Variants in PRLR observed in about 807,000 individuals in gnomAD.
The protein encoded by PRLR is prolactin receptor, also known as hPRL receptor.
A neutral mutation model predicts 40.2 loss-of-function variants in PRLR; 13 were observed. The ratio of observed to expected loss-of-function variants is 0.32; its 90% CI spans 0.21 to 0.51. PRLR has a LOEUF of 0.51. Ranked by LOEUF, PRLR falls within the 20% of genes least tolerant of loss-of-function variation. PRLR has a pLI of 0.97. For synonymous variants in PRLR, 269 were observed against 278.7 expected (o/e 0.97, Z 0.35); for missense variants, 656 against 747.3 (o/e 0.88, Z 1.42).
Position 35,065,010 on chromosome 5 carries a change from T to C in PRLR, c.*79A>G. Reference sequence around the variant, plus strand: ...CTTTAGTAGTGTCAGTCTGACTACATTCTTGAGCATTTCACGTACTCTGTA... The same window carrying C: ...CTTTAGTAGTGTCAGTCTGACTACACTCTTGAGCATTTCACGTACTCTGTA... On this transcript the variant is annotated 3_prime_UTR_variant, in exon 10 of 10. Coordinates refer to ENST00000618457, the MANE Select transcript of PRLR (RefSeq NM_000949.7). The C allele has an allele frequency of 6.8e-7, 1 of 1,473,594 alleles. No individual in the cohort carries two copies. 91.3% of individuals were successfully genotyped at this position (1,473,594 alleles called of 1,614,324 possible).
chr5:35,213,515 T>C (rs903255992), intron 1 of PRLR, among the ~76,000 whole-genome samples: 1 of 152,234 alleles, frequency 6.6e-6, no homozygotes, highest in Non-Finnish European at 1.5e-5. Flanking sequence ...GAGTTTTTTT[T>C]TCTGGGAATT....
At chr5:35,121,902 C>T (rs1006366578) in intron 1 of PRLR, among the ~76,000 whole-genome samples, 4 of 152,116 alleles carry the variant, frequency 2.6e-5, no homozygotes, top group Non-Finnish European at 1.5e-5. Flanking sequence ...CAATTGGTTG[C>T]CTACTATTTG....
chr5:35,219,614 T>A (rs575395452), intron 1 of PRLR, among the ~76,000 whole-genome samples: 1 of 152,084 alleles, frequency 6.6e-6, no homozygotes, highest in African/African-American at 2.4e-5. Context: ...GTCAAAACAC[T>A]CAGAAAAGAG....
At chr5:35,176,988 G>C (rs997787977) in intron 1 of PRLR, among the ~76,000 whole-genome samples, 2 of 152,058 alleles carry the variant, frequency 1.3e-5, no homozygotes, top group African/African-American at 2.4e-5. Context: ...TGGGACCTGC[G>C]GGCAGCAATA....
chr5:35,084,560 T>G lies in PRLR; in HGVS notation c.283A>C (p.Met95Leu). The stretch of plus-strand genomic sequence containing the variant: ...ACCATCATGATGTATGTCCTCCACA[T>G]GGAGGTGTACTGCTTGCCAAAGTGG... ...SCHFGKQYTS[M>L]WRTYIMMVNA... The change falls in exon 5 of 10, where the codon ATG becomes CTG. Residue 95 changes from methionine to leucine, a missense_variant. By Grantham distance (15) the Met-to-Leu change is conservative (BLOSUM62 2). Around this residue, in one of 3 missense-constraint regions of PRLR, gnomAD observed 180 missense variants for 236.8 expected, o/e 0.76. Coordinates refer to ENST00000618457, the MANE Select transcript of PRLR (RefSeq NM_000949.7). 2 of 1,608,020 alleles carry G rather than the reference T, an allele frequency of 1.2e-6. No homozygotes were observed. The highest frequency in any genetic ancestry group is 1.7e-6 in the Non-Finnish European group (2 of 1,178,124).
chr5:35,118,252 T>C, intron 1 of PRLR, 130 bp from the exon 2 acceptor site: 1 of 265,530 alleles, frequency 3.8e-6, no homozygotes, highest in Non-Finnish European at 5.8e-6. Flanking sequence ...AGCTCTAGTG[T>C]TCTGGAATTT....
rs1438383358 is a variant in PRLR at position 35,120,597 on chromosome 5, A to G, written c.-105-2475T>C. Among the ~76,000 whole-genome samples, 3 of 152,144 alleles carry G rather than the reference A, an allele frequency of 2.0e-5. No homozygotes were observed. In the East Asian group the frequency reaches 5.8e-4, roughly 29 times the overall value. ...TTAATAGAAGCTCCTGGGGGAAATA[A>G]CTCACAGATTTCATCTTTTATATAC... On this transcript the variant is annotated intron_variant, in intron 1 of 9. Coordinates refer to ENST00000618457, the MANE Select transcript of PRLR (RefSeq NM_000949.7).
At chr5:35,189,971 G>A (rs1775557104) in intron 1 of PRLR, among the ~76,000 whole-genome samples, 1 of 152,164 alleles carries the variant, frequency 6.6e-6, no homozygotes, top group Non-Finnish European at 1.5e-5. Flanking sequence ...TCCTGCTGGA[G>A]CACAGGAGCC....
intron 1 of PRLR, among the ~76,000 whole-genome samples, chr5:35,211,238 A>G (rs574892385): frequency 6.6e-6 from 1 of 152,054 alleles, no homozygotes; most frequent in African/African-American, 2.4e-5. Context: ...CACTTTCTCA[A>G]TTTCTCCCCC....
chr5:35,183,918 G>T (rs1775357838), intron 1 of PRLR, among the ~76,000 whole-genome samples: 1 of 152,142 alleles, frequency 6.6e-6, no homozygotes, highest in Non-Finnish European at 1.5e-5. Context: ...AGTTTTCAAA[G>T]TATTGTCCCC....
chr5:35,054,262 A>G (rs1001177434), downstream of PRLR, among the ~76,000 whole-genome samples: 12 of 152,220 alleles, frequency 7.9e-5, no homozygotes, highest in African/African-American at 2.7e-4. Context: ...GCATCTAGGA[A>G]ATATTAAGAT....
chr5:35,086,781 G>C (rs1770880223), intron 3 of PRLR, among the ~76,000 whole-genome samples: 2 of 151,998 alleles, frequency 1.3e-5, no homozygotes, highest in South Asian at 4.2e-4. Context: ...TCCTTCCCAG[G>C]TATGAGCAAT....
In PRLR at chr5:35,153,815, C is replaced by CAT. The variant is rs546275854; in HGVS notation, c.-105-35694_-105-35693insAT. ...CTGCAAGGCTACAGGAAGTCAGCTG[C>CAT]TTTATGCCAGTGCAGTCTTCTAGAC... On this transcript the variant is annotated intron_variant, in intron 1 of 9. Transcript: ENST00000618457. 9.5e-5 allele frequency among the ~76,000 whole-genome samples: 14 copies of CAT among 147,138 alleles called. No individual in the cohort carries two copies. In the East Asian group the frequency reaches 2.8e-3, roughly 29 times the overall value.
intron 7 of PRLR, among the ~76,000 whole-genome samples, chr5:35,069,446 C>T (rs1273375106): frequency 9.9e-5 from 15 of 152,090 alleles, no homozygotes; most frequent in Admixed American, 9.8e-4. Context: ...AATGAAAGCC[C>T]GATACTTTGG....
intron 1 of PRLR, among the ~76,000 whole-genome samples, chr5:35,124,929 G>A (rs543615218): frequency 3.6e-4 from 55 of 152,282 alleles, no homozygotes; most frequent in Middle Eastern, 3.4e-3. Flanking sequence ...GAAGGTGTAT[G>A]GAAGTGCTTT....
At chr5:35,201,342 G>T (rs959426846) in intron 1 of PRLR, among the ~76,000 whole-genome samples, 1 of 152,160 alleles carries the variant, frequency 6.6e-6, no homozygotes, top group African/African-American at 2.4e-5. Flanking sequence ...CAACATTCAA[G>T]TGATGTTGTG....
chr5:35,086,473 T>C, intron 3 of PRLR, 133 bp from the exon 4 acceptor site: 1 of 1,066,110 alleles, frequency 9.4e-7, no homozygotes, highest in Non-Finnish European at 1.4e-6. Context: ...CTAGGGTGGA[T>C]GCTCAGGAAT....
chr5:35,209,038 A>T (rs1385109296), intron 1 of PRLR, among the ~76,000 whole-genome samples: 1 of 152,102 alleles, frequency 6.6e-6, no homozygotes, highest in Non-Finnish European at 1.5e-5. Flanking sequence ...TATATTATTG[A>T]CTATCATATA....
Position 35,065,135 on chromosome 5 carries a change from C to T in PRLR, c.1823G>A (p.Gly608Asp). 1 of 1,614,040 alleles carries T rather than the reference C, an allele frequency of 6.2e-7. No individual in the cohort carries two copies. The highest frequency in any genetic ancestry group is 8.5e-7 in the Non-Finnish European group (1 of 1,179,902). ...ACATGCGGGATCCAGGTAATCCAAA[C>T]CACCCAGCTGGAGCCTGCACTTGCT... ...TSSKCRLQLG[G>D]LDYLDPACFT... The change falls in exon 10 of 10, where the codon GGT becomes GAT. Residue 608 changes from glycine (G) to aspartate (D), a missense_variant. Gly to Asp is a moderately conservative substitution (Grantham distance 94). Around this residue, in one of 3 missense-constraint regions of PRLR, gnomAD observed 469 missense variants for 491.5 expected, o/e 0.95. Coordinates refer to ENST00000618457, the MANE Select transcript of PRLR (RefSeq NM_000949.7).
Sources: allele counts gnomAD v4.1 joint callset (sites outside exome capture counted in the v4.1 genomes callset), GRCh38; gene constraint gnomAD v4.1.1; regional missense constraint gnomAD v4.1.1; transcripts MANE v1.5; gene names NCBI Gene and HGNC (gene_info 2026-07-23, HGNC 2026-07-21).